ERG28: variants seen among roughly 807,000 people sequenced by gnomAD.
ERG28 encodes ergosterol biosynthetic protein 28 homolog.
Under a neutral mutation model 15.7 loss-of-function variants are expected in ERG28, and 9 were observed. The ratio of observed to expected loss-of-function variants is 0.57; its 90% confidence interval spans 0.35 to 1.00. The LOEUF is 1.00. ERG28 is among the 50% of genes least tolerant of loss of function. The pLI, the probability that ERG28 is intolerant of heterozygous loss-of-function variation, is 0.02. For missense variants in ERG28, 117 were observed against 173.3 expected (o/e 0.68, Z 1.82); for synonymous variants, 61 against 68.4 (o/e 0.89, Z 0.53).
chr14:75,651,796 G>A lies in ERG28; in HGVS notation c.318C>T (p.Gly106=), dbSNP rs377360519. 1.4e-5 allele frequency: 23 copies of A among 1,613,806 alleles called. No homozygotes were observed. The highest frequency in any genetic ancestry group is 5.3e-5 in the African/African-American group (4 of 74,936). ...TTGCCACCATCAGGGGTGCCAGGAC[G>A]CCAATCGTGGGAGCTGCAGTTCCAT... is the stretch of plus-strand genomic sequence containing the variant. ...FVYGTAAPTI[G]VLAPLMVASF... is the part of the protein sequence containing the mutation. The change falls in exon 4 of 5, where the codon GGC becomes GGT. Residue 106 remains glycine (G), a synonymous_variant. Coordinates refer to ENST00000256319, the MANE Select transcript of ERG28 (RefSeq NM_007176.4).
At chr14:75,654,591 T>C (rs1268402953) in intron 3 of ERG28, among the ~76,000 whole-genome samples, 5 of 152,192 alleles carry the variant, frequency 3.3e-5, no homozygotes, top group Non-Finnish European at 7.3e-5. Flanking sequence ...ACTTCTTTAG[T>C]AGAAGAAGGG....
intron 1 of ERG28, among the ~76,000 whole-genome samples, chr14:75,658,628 C>T (rs565769017): frequency 5.3e-5 from 8 of 152,350 alleles, no homozygotes; most frequent in African/African-American, 1.7e-4. Flanking sequence ...GTGTGATAGA[C>T]TTAAATGTTA....
intron 4 of ERG28, 47 bp from the exon 5 acceptor site, chr14:75,651,681 T>G (rs982179790): frequency 3.1e-6 from 5 of 1,595,266 alleles, no homozygotes; most frequent in Non-Finnish European, 4.3e-6. Context: ...TACGGTACCT[T>G]TCTTCTCTCT....
chr14:75,660,413 C>A (rs899418155), intron 1 of ERG28, among the ~76,000 whole-genome samples: 1 of 152,054 alleles, frequency 6.6e-6, no homozygotes, highest in Non-Finnish European at 1.5e-5. Flanking sequence ...GCTGTGTGAC[C>A]CTGGGTAAGT....
At position 75,659,867 on chromosome 14, in the gene ERG28, G is replaced by GC. The variant is rs10716402; in HGVS notation, c.-32+907dup. 4.2e-3 allele frequency among the ~76,000 whole-genome samples: 605 copies of GC among 144,310 alleles called. 7 individuals are homozygous for GC. Among genetic ancestry groups the GC allele is most frequent in the African/African-American group, 0.013 (505 of 39,360 alleles). The allele number at this position is 144,310 out of a possible 152,430, so 94.7% of individuals were successfully genotyped here. A position where few individuals can be genotyped will look rare whatever the true frequency, so the allele number is the denominator to read the frequency against. ...GCCCAAGACAGTGTGAAACACCGCC[G>GC]CCCCCCCCCGCCAACTCCCCGCCCC... On this transcript the variant is annotated intron_variant, in intron 1 of 4. Coordinates refer to ENST00000256319, the MANE Select transcript of ERG28 (RefSeq NM_007176.4).
Position 75,651,599 on chromosome 14 carries a change from A to G in ERG28, c.379T>C (p.Tyr127His). 6.2e-7 allele frequency: 1 copy of G among 1,613,748 alleles called. No homozygotes were observed. Among genetic ancestry groups the G allele is most frequent in the Non-Finnish European group, 8.5e-7 (1 of 1,179,630 alleles). ...SILGMLVGLR[Y>H]LEVEPVSRQK... The stretch of plus-strand genomic sequence containing the variant: ...CTGGATACTGGTTCTACTTCTAGAT[A>G]CCGGAGCCCGACCAGCATACCCAGG... The change falls in exon 5 of 5, where the codon TAT becomes CAT. Residue 127 changes from tyrosine to histidine, a missense_variant. Tyr to His is a moderately conservative substitution (Grantham distance 83, BLOSUM62 2). Transcript: ENST00000256319.
intron 1 of ERG28, among the ~76,000 whole-genome samples, chr14:75,658,540 G>A (rs1890628182): frequency 6.6e-6 from 1 of 152,182 alleles, no homozygotes; most frequent in African/African-American, 2.4e-5. Flanking sequence ...ACCGTGGACT[G>A]CTCCTGGCCA....
At chr14:75,658,605 G>A (rs372208697) in intron 1 of ERG28, among the ~76,000 whole-genome samples, 15 of 152,294 alleles carry the variant, frequency 9.8e-5, no homozygotes, top group Middle Eastern at 3.4e-3. Flanking sequence ...ACTTTTTGAC[G>A]TATAGAGCCT....
At chr14:75,657,572 C>A in intron 1 of ERG28, 39 bp from the exon 2 acceptor site, 2 of 1,575,046 alleles carry the variant, frequency 1.3e-6, no homozygotes, top group Non-Finnish European at 1.7e-6. Flanking sequence ...CAATGAGGGC[C>A]AGTCTATGTT....
intron 3 of ERG28, among the ~76,000 whole-genome samples, chr14:75,654,263 A>T (rs1328231646): frequency 6.6e-6 from 1 of 152,256 alleles, no homozygotes; most frequent in East Asian, 1.9e-4. Context: ...TGACCTGAAC[A>T]AACTGTTTCC....
At chr14:75,660,087 C>T (rs1007798064) in intron 1 of ERG28, among the ~76,000 whole-genome samples, 2 of 152,184 alleles carry the variant, frequency 1.3e-5, no homozygotes, top group Non-Finnish European at 1.5e-5. Flanking sequence ...GAGACTCCTC[C>T]GGGGTTTAGA....
chr14:75,651,472 A>G lies in ERG28; in HGVS notation c.*83T>C. 1 of 1,346,466 alleles carries G rather than the reference A, an allele frequency of 7.4e-7. No homozygotes were observed. The highest frequency in any genetic ancestry group is 1.3e-5 in the South Asian group (1 of 77,796). 83.4% of individuals were successfully genotyped at this position (1,346,466 alleles called of 1,614,324 possible). A position where few individuals can be genotyped will look rare whatever the true frequency, so the allele number is the denominator to read the frequency against. On this transcript the variant is annotated 3_prime_UTR_variant, in exon 5 of 5. Transcript: ENST00000256319. ...TAAAAGGGCAGATGATGGAATAGAA[A>G]AGAAATTAAAGAGGAGAGACGACGA... is the stretch of plus-strand genomic sequence containing the variant.
Position 75,654,920 on chromosome 14 carries a change from G to A in ERG28, c.190C>T (p.Arg64Cys), listed in dbSNP as rs1296524527. ...TGAATGTCAATGGCACAGAGGCAGC[G>A]AATCACTGATGAGAGCAGCGTCCAG... The part of the protein sequence containing the change: ...GIWTLLSSVI[R>C]CLCAIDIHNK... The change falls in exon 3 of 5, where the codon CGC (arginine) becomes TGC (cysteine). Residue 64 changes from arginine to cysteine, a missense_variant. Physicochemically the swap from Arg to Cys is radical, Grantham distance 180 (BLOSUM62 -3). Transcript: ENST00000256319. 16 of 1,614,112 alleles carry A rather than the reference G, an allele frequency of 9.9e-6. No individual in the cohort carries two copies. The highest frequency in any genetic ancestry group is 1.3e-5 in the Non-Finnish European group (15 of 1,179,950).
At chr14:75,657,019 C>CTTT (rs3214359) in intron 2 of ERG28, among the ~76,000 whole-genome samples, 1 of 133,072 alleles carries the variant, frequency 7.5e-6, no homozygotes. Flanking sequence ...CCTTATAATG[C>CTTT]TTTTTTTTTT....
chr14:75,653,767 G>A (rs1473753900), intron 3 of ERG28, among the ~76,000 whole-genome samples: 1 of 152,014 alleles, frequency 6.6e-6, no homozygotes, highest in Non-Finnish European at 1.5e-5. Context: ...ACCCTGAGAG[G>A]TAGAACAGAT....
chr14:75,655,118 G>A (rs1890581327), intron 2 of ERG28, 142 bp from the exon 3 acceptor site: 1 of 709,692 alleles, frequency 1.4e-6, no homozygotes, highest in African/African-American at 1.8e-5. Context: ...AGGTCCTAGT[G>A]GCAACATGGG....
At chr14:75,659,361 T>C (rs1298887405) in intron 1 of ERG28, among the ~76,000 whole-genome samples, 1 of 152,154 alleles carries the variant, frequency 6.6e-6, no homozygotes, top group East Asian at 1.9e-4. Context: ...TTATTATTTA[T>C]TTATTTATTT....
At position 75,651,436 on chromosome 14, in the gene ERG28, C is replaced by G; in HGVS notation, c.*119G>C. The G allele has an allele frequency of 1.0e-6, 1 of 991,412 alleles. No homozygotes were observed. The highest frequency in any genetic ancestry group is 1.5e-6 in the Non-Finnish European group (1 of 661,640). The allele number at this position is 991,412 out of a possible 1,614,324, so 61.4% of individuals were successfully genotyped here. ...AAATTTTAAAAATTAAAAAAAGAGG[C>G]TAAAAGTGAATAAAAGGGCAGATGA... is the stretch of plus-strand genomic sequence containing the variant. On this transcript the variant is annotated 3_prime_UTR_variant, in exon 5 of 5. Transcript: ENST00000256319.
chr14:75,651,707 C>CTCTAGAG (rs1382801499), intron 4 of ERG28, 64 bp downstream of exon 4: 6 of 1,590,668 alleles, frequency 3.8e-6, no homozygotes, highest in Non-Finnish European at 5.2e-6. Context: ...CTGTGTCCAC[C>CTCTAGAG]CTCTGTACTA....
Sources: allele counts gnomAD v4.1 joint callset (sites outside exome capture counted in the v4.1 genomes callset), GRCh38; gene constraint gnomAD v4.1.1; transcripts MANE v1.5; gene names NCBI Gene and HGNC (gene_info 2026-07-23, HGNC 2026-07-21).